MGAT4C: variants seen among roughly 807,000 people sequenced by gnomAD.
MGAT4C encodes the protein MGAT4 family member C, also known as alpha-1,3-mannosyl-glycoprotein 4-beta-N-acetylglucosaminyltransferase C.
MGAT4C carries 19 observed loss-of-function variants against 40.1 expected under a neutral mutation model. The ratio of observed to expected loss-of-function variants is 0.47; its 90% CI spans 0.33 to 0.70. The LOEUF (loss-of-function observed/expected upper bound fraction) is 0.70, where lower values mean the gene tolerates loss of function less well. MGAT4C is among the 30% of genes least tolerant of loss of function. MGAT4C has a pLI of 0.02. For synonymous variants in MGAT4C, 181 were observed against 187.1 expected, an observed-to-expected ratio of 0.97 and a Z score of 0.27; for missense variants, 491 against 563.2, an observed-to-expected ratio of 0.87 and a Z score of 1.30.
At chr12:86,323,841 C>T (rs116500433) in intron 4 of MGAT4C, among the ~76,000 whole-genome samples, 2,499 of 151,934 alleles carry the variant, frequency 0.016, 65 homozygotes, top group African/African-American at 0.057. Flanking sequence ...CAAGAACTAC[C>T]TAAAGCTACT....
chr12:86,212,597 G>A (rs563054227), intron 1 of MGAT4C, among the ~76,000 whole-genome samples: 2 of 151,566 alleles, frequency 1.3e-5, no homozygotes, highest in African/African-American at 2.4e-5. Context: ...AAGGTATAAA[G>A]AACACTCATG....
chr12:86,437,748 A>C (rs896011990), intron 2 of MGAT4C, among the ~76,000 whole-genome samples: 1 of 151,882 alleles, frequency 6.6e-6, no homozygotes, highest in South Asian at 2.1e-4. Flanking sequence ...TTCCATTATT[A>C]TTGTATATTT....
chr12:86,448,883 T>C (rs1306125126), intron 2 of MGAT4C, among the ~76,000 whole-genome samples: 4 of 152,168 alleles, frequency 2.6e-5, no homozygotes, highest in Non-Finnish European at 5.9e-5. Flanking sequence ...TAATTTTAAA[T>C]TGTCAAGGAA....
intron 2 of MGAT4C, among the ~76,000 whole-genome samples, chr12:86,570,771 T>C (rs1960330473): frequency 6.6e-6 from 1 of 152,110 alleles, no homozygotes; most frequent in Non-Finnish European, 1.5e-5. Flanking sequence ...TATAGCCGTG[T>C]CCATCTATTA....
intron 2 of MGAT4C, among the ~76,000 whole-genome samples, chr12:86,597,723 A>G (rs1208579922): frequency 6.6e-6 from 1 of 152,108 alleles, no homozygotes; most frequent in African/African-American, 2.4e-5. Context: ...TACAGTCTCT[A>G]TATCCTGATG....
At chr12:86,228,579 A>G (rs1485063361) in intron 1 of MGAT4C, among the ~76,000 whole-genome samples, 1 of 151,770 alleles carries the variant, frequency 6.6e-6, no homozygotes, top group African/African-American at 2.4e-5. Flanking sequence ...ACATTTACAG[A>G]ATTTTTCTGC....
At chr12:86,094,853 T>A (rs1873601696) in intron 1 of MGAT4C, among the ~76,000 whole-genome samples, 1 of 152,124 alleles carries the variant, frequency 6.6e-6, no homozygotes, top group South Asian at 2.1e-4. Context: ...CTTCTAACTT[T>A]CCTTGTACAT....
chr12:86,376,904 TGAAAG>T (rs1955838551), intron 3 of MGAT4C, among the ~76,000 whole-genome samples: 1 of 150,624 alleles, frequency 6.6e-6, no homozygotes, highest in Admixed American at 6.6e-5. Context: ...AGATTGAGAT[TGAAAG>T]GAGAGATACA....
chr12:86,480,709 T>C (rs1435081609), intron 2 of MGAT4C, among the ~76,000 whole-genome samples: 1 of 151,782 alleles, frequency 6.6e-6, no homozygotes, highest in African/African-American at 2.4e-5. Context: ...ATGCTACTTA[T>C]AGTTTTTATA....
chr12:86,006,705 A>G (rs1887920062), intron 2 of MGAT4C, among the ~76,000 whole-genome samples: 1 of 151,984 alleles, frequency 6.6e-6, no homozygotes, highest in Non-Finnish European at 1.5e-5. Flanking sequence ...ATCTGATCAA[A>G]TTTTTCATCC....
chr12:86,707,889 T>C (rs1401526837), intron 2 of MGAT4C, among the ~76,000 whole-genome samples: 1 of 152,170 alleles, frequency 6.6e-6, no homozygotes, highest in African/African-American at 2.4e-5. Context: ...TGCTGATAAA[T>C]GCTTTCAGTT....
rs535177470 is a variant in MGAT4C at position 86,042,960 on chromosome 12, A to C, written c.-7+6714T>G. Among the ~76,000 whole-genome samples the C allele has an allele frequency of 2.0e-5, 3 of 151,490 alleles. No homozygotes were observed. The South Asian group carries it at 6.3e-4, about 32-fold the overall frequency. On this transcript the variant is annotated intron_variant, in intron 2 of 4. Transcript: ENST00000611864. ...TGTCAAAAAGTCTGCTGGTAGCCTG[A>C]TGGTGTTCACATTGCAAGTGACCTT...
chr12:86,696,395 G>A (rs1388071625), intron 2 of MGAT4C, among the ~76,000 whole-genome samples: 2 of 152,126 alleles, frequency 1.3e-5, no homozygotes, highest in Non-Finnish European at 2.9e-5. Flanking sequence ...GTCAAAAGAT[G>A]AGAATAGCTA....
At chr12:86,249,068 A>T (rs1471276672) in intron 1 of MGAT4C, among the ~76,000 whole-genome samples, 1 of 152,156 alleles carries the variant, frequency 6.6e-6, no homozygotes, top group African/African-American at 2.4e-5. Flanking sequence ...CAGATAATTT[A>T]AAAAATAAGT....
chr12:86,631,558 T>C (rs1156441982), intron 2 of MGAT4C, among the ~76,000 whole-genome samples: 2 of 151,902 alleles, frequency 1.3e-5, no homozygotes, highest in African/African-American at 2.4e-5. Context: ...AAAACAGACA[T>C]ATAGACCAAT....
At chr12:86,623,878 T>C (rs1424984104) in intron 2 of MGAT4C, among the ~76,000 whole-genome samples, 2 of 152,166 alleles carry the variant, frequency 1.3e-5, no homozygotes, top group African/African-American at 4.8e-5. Context: ...ATGTGAAACA[T>C]TGAAAATCAG....
At chr12:86,822,787 T>A (rs1018389361) in intron 1 of MGAT4C, among the ~76,000 whole-genome samples, 1 of 151,136 alleles carries the variant, frequency 6.6e-6, no homozygotes, top group Non-Finnish European at 1.5e-5. Flanking sequence ...AGTAGATGAC[T>A]TGAACAACAC....
chr12:86,038,627 G>T (rs1187308037), intron 2 of MGAT4C, among the ~76,000 whole-genome samples: 3 of 148,804 alleles, frequency 2.0e-5, no homozygotes, highest in African/African-American at 7.3e-5. Context: ...GCTTATATGT[G>T]TCTTTGCATG....
At chr12:86,552,810 A>G (rs1397055947) in intron 2 of MGAT4C, among the ~76,000 whole-genome samples, 1 of 152,144 alleles carries the variant, frequency 6.6e-6, no homozygotes, top group Non-Finnish European at 1.5e-5. Flanking sequence ...AGTAAATTGC[A>G]TAACTATATC....
Sources: allele counts gnomAD v4.1 joint callset (sites outside exome capture counted in the v4.1 genomes callset), GRCh38; gene constraint gnomAD v4.1.1; transcripts MANE v1.5; gene names NCBI Gene and HGNC (gene_info 2026-07-23, HGNC 2026-07-21).